The following COL5A1 variants were observed in gnomAD, a reference collection of about 807,000 sequenced individuals.
COL5A1 encodes the protein collagen type V alpha 1 chain.
In COL5A1, 16 loss-of-function variants were observed where a neutral mutation model predicts 263.7. The ratio of observed to expected loss-of-function variants is 0.06; its 90% CI spans 0.04 to 0.09. The LOEUF (loss-of-function observed/expected upper bound fraction) is 0.09, where lower values mean the gene tolerates loss of function less well. COL5A1 is among the 10% of genes least tolerant of loss of function. The probability of loss-of-function intolerance (pLI) is 1.00; values close to 1 mark genes in which losing one functional copy is unlikely to be tolerated. For missense variants in COL5A1, 2,036 were observed against 2,540.5 expected, an observed-to-expected ratio of 0.80 and a Z score of 4.27; for synonymous variants, 1,012 against 1,004.5, an observed-to-expected ratio of 1.01 and a Z score of -0.14.
chr9:134,773,844 C>T (rs1004538447), intron 26 of COL5A1, among the ~76,000 whole-genome samples: 52 of 152,222 alleles, frequency 3.4e-4, no homozygotes, highest in Admixed American at 6.5e-5. Flanking sequence ...ACTTCTGCCC[C>T]GTTCCCTCTC....
intron 36 of COL5A1, 24 bp downstream of exon 36, chr9:134,796,925 G>T (rs755953706): frequency 6.2e-7 from 1 of 1,607,322 alleles, no homozygotes; most frequent in Non-Finnish European, 8.5e-7. Flanking sequence ...TCCTTGCTGG[G>T]CCAGCACTGC....
In COL5A1 at chr9:134,648,687, TG is replaced by T. The variant is rs1831556982; in HGVS notation, c.109+6395del. ...TGCAGCAGGAGGCTGTGAGGTGGTT[TG>T]GGGCCCTCTACTCGCTGGCCTGTGC... On this transcript the variant is annotated intron_variant, in intron 1 of 65. Coordinates refer to ENST00000371817, the MANE Select transcript of COL5A1 (RefSeq NM_000093.5). 2.0e-5 allele frequency among the ~76,000 whole-genome samples: 3 copies of T among 152,318 alleles called. No homozygotes were observed. In the South Asian group the frequency reaches 6.2e-4, roughly 32 times the overall value.
At chr9:134,750,926 C>T (rs755472820) in intron 13 of COL5A1, 44 bp downstream of exon 13, 1 of 1,541,724 alleles carries the variant, frequency 6.5e-7, no homozygotes, top group South Asian at 1.1e-5. Flanking sequence ...GGACAGAGCC[C>T]AGCCCCAGGG....
At chr9:134,699,602 A>G (rs2132568841) in intron 2 of COL5A1, among the ~76,000 whole-genome samples, 1 of 152,216 alleles carries the variant, frequency 6.6e-6, no homozygotes, top group Non-Finnish European at 1.5e-5. Flanking sequence ...GGGTCAACAC[A>G]CAGATGTGTT....
intron 18 of COL5A1, among the ~76,000 whole-genome samples, chr9:134,760,480 CAT>C (rs1173271287): frequency 1.5e-5 from 2 of 131,826 alleles, no homozygotes; most frequent in African/African-American, 5.9e-5. Context: ...TTCATACACA[CAT>C]GCACACACAC....
At chr9:134,797,031 G>A in intron 36 of COL5A1, 130 bp downstream of exon 36, 3 of 1,009,914 alleles carry the variant, frequency 3.0e-6, no homozygotes, top group South Asian at 1.3e-5. Context: ...GGTGGAGGGA[G>A]GCCCGAGGTG....
chr9:134,750,856 G>A lies in COL5A1; in HGVS notation c.1636G>A (p.Ala546Thr). 6.2e-7 allele frequency: 1 copy of A among 1,612,892 alleles called. No homozygotes were observed. The highest frequency in any genetic ancestry group is 8.5e-7 in the Non-Finnish European group (1 of 1,179,978). Reference sequence around the variant, plus strand: ...CATGGTCTCAGCCCAGGAGTCCCAGGCGCAAGCCATTCTCCAGCAGGCCAG... The same window carrying A: ...CATGGTCTCAGCCCAGGAGTCCCAGACGCAAGCCATTCTCCAGCAGGCCAG... ...GPMVSAQESQAQAILQQARLA... is the reference protein window; with the variant it reads ...GPMVSAQESQTQAILQQARLA... The change falls in exon 13 of 66, where the codon GCG becomes ACG. Residue 546 changes from alanine to threonine, a missense_variant. Transcript: ENST00000371817.
chr9:134,829,427 G>C (rs779740730), intron 63 of COL5A1, among the ~76,000 whole-genome samples: 4 of 112,234 alleles, frequency 3.6e-5, no homozygotes, highest in African/African-American at 1.8e-4. Context: ...CGGTCTCCCT[G>C]AGGGCTGGGG....
rs773167288 is a variant in COL5A1 at position 134,817,791 on chromosome 9, C to G, written c.4190C>G (p.Pro1397Arg). The G allele has an allele frequency of 6.2e-7, 1 of 1,612,222 alleles. No homozygotes were observed. The highest frequency in any genetic ancestry group is 1.7e-5 in the Admixed American group (1 of 59,836). ...GPPGKRGPPG[P>R]AGPEGRQGEK... ...TGCTTCTTTCAGGGTCCCCCAGGCC[C>G]CGCAGGCCCCGAAGGCAGACAGGGA... The change falls in exon 54 of 66, where the codon CCC becomes CGC. Residue 1397 changes from proline (P) to arginine (R), a missense_variant. Coordinates refer to ENST00000371817, the MANE Select transcript of COL5A1 (RefSeq NM_000093.5).
chr9:134,796,413 G>A lies in COL5A1; in HGVS notation c.2839G>A (p.Glu947Lys). ...GGDGPAGPPG[E>K]RGPNGPQGPT... ...TGACGGCCCAGCTGGCCCTCCTGGT[G>A]AACGGGTAAGCAGCTGGAGCCTTCG... Residue 947 changes from glutamate (E) to lysine (K), a missense_variant, in exon 35 of 66, where the codon GAA becomes AAA. Glu to Lys is a moderately conservative substitution (Grantham distance 56). This residue lies in a region of COL5A1 where 1,078 missense variants were observed against 1,521.4 expected (regional missense o/e 0.71). Coordinates refer to ENST00000371817, the MANE Select transcript of COL5A1 (RefSeq NM_000093.5). The A allele has an allele frequency of 6.2e-7, 1 of 1,614,148 alleles. No individual in the cohort carries two copies. Among genetic ancestry groups the A allele is most frequent in the Middle Eastern group, 1.6e-4 (1 of 6,062 alleles).
chr9:134,704,367 A>G (rs1433365321), intron 4 of COL5A1, among the ~76,000 whole-genome samples: 1 of 152,242 alleles, frequency 6.6e-6, no homozygotes, highest in East Asian at 1.9e-4. Flanking sequence ...GACAGCAAAC[A>G]TGCCAGAGTT....
chr9:134,744,189 A>G (rs1328984401), intron 11 of COL5A1, among the ~76,000 whole-genome samples: 1 of 152,210 alleles, frequency 6.6e-6, no homozygotes, highest in African/African-American at 2.4e-5. Flanking sequence ...TGGATGGGAC[A>G]CGCCAATCCA....
In COL5A1 at chr9:134,754,996, AGCTACCCTT is replaced by A. The variant is rs1835918248; in HGVS notation, c.1827+672_1827+680del. Among the ~76,000 whole-genome samples the A allele has an allele frequency of 1.3e-5, 2 of 152,260 alleles. No individual in the cohort carries two copies. The highest frequency in any genetic ancestry group is 2.4e-5 in the African/African-American group (1 of 41,556). On this transcript the variant is annotated intron_variant, in intron 16 of 65. Transcript: ENST00000371817. This position sits in a 1 kb window ranked among gnomAD's most constrained non-coding sequence, Gnocchi z 4.3. The stretch of plus-strand genomic sequence containing the variant: ...CTCTTCCCAGTATGTTGTCTACCTA[AGCTACCCTT>A]GACTGCTATAGTCTGAGTCAACAAG...
chr9:134,648,690 G>T (rs1480525382), intron 1 of COL5A1, among the ~76,000 whole-genome samples: 1 of 152,224 alleles, frequency 6.6e-6, no homozygotes, highest in Non-Finnish European at 1.5e-5. Flanking sequence ...GGTGGTTTGG[G>T]GCCCTCTACT....
intron 1 of COL5A1, among the ~76,000 whole-genome samples, chr9:134,679,177 A>C (rs1349767104): frequency 1.3e-5 from 2 of 151,854 alleles, no homozygotes; most frequent in Admixed American, 6.5e-5. Context: ...CTTGTGTGGA[A>C]AGAGCAGTCT....
rs1205167823 is a variant in COL5A1 at position 134,798,460 on chromosome 9, C to T, written c.2951C>T (p.Thr984Ile). 1 of 1,614,064 alleles carries T rather than the reference C, an allele frequency of 6.2e-7. No individual in the cohort carries two copies. ...LPGHPGQRGE[T>I]GFQGKTGPPG... The stretch of plus-strand genomic sequence containing the variant: ...GGACACCCTGGACAGAGAGGCGAGA[C>T]TGTGAGTATCGAGGGTGCTGGGGGA... Residue 984 changes from threonine to isoleucine, a missense_variant and splice_region_variant, in exon 37 of 66, where the codon ACT becomes ATT. Transcript: ENST00000371817.
At position 134,834,996 on chromosome 9, in the gene COL5A1, A is replaced by G. The variant is rs1482037877; in HGVS notation, c.5162A>G (p.Asn1721Ser). ...CTCTCCTATGTGGACGCCGAGGGCA[A>G]CCCTGTGGGTGTGGTACAGATGACC... ...KLLSYVDAEG[N>S]PVGVVQMTFL... is the part of the protein sequence containing the mutation. The change falls in exon 65 of 66, where the codon AAC (asparagine) becomes AGC (serine). Residue 1721 changes from asparagine to serine, a missense_variant. By Grantham distance (46) the Asn-to-Ser change is conservative (BLOSUM62 1). Around this residue, in one of 3 missense-constraint regions of COL5A1, gnomAD observed 358 missense variants for 384.6 expected, o/e 0.93. Transcript: ENST00000371817. The G allele has an allele frequency of 3.1e-6, 5 of 1,613,596 alleles. No homozygotes were observed. Among genetic ancestry groups the G allele is most frequent in the Non-Finnish European group, 4.2e-6 (5 of 1,179,970 alleles).
chr9:134,752,804 G>A (rs541922417), intron 14 of COL5A1, among the ~76,000 whole-genome samples, 159 bp downstream of exon 14: 1 of 152,204 alleles, frequency 6.6e-6, no homozygotes, highest in South Asian at 2.1e-4. Context: ...GGGACCAGGG[G>A]CCTCTCTCGG....
In COL5A1 at chr9:134,647,083, T is replaced by C. The variant is rs1332079504; in HGVS notation, c.109+4787T>C. Among the ~76,000 whole-genome samples the C allele has an allele frequency of 1.3e-5, 2 of 152,090 alleles. No homozygotes were observed. The highest frequency in any genetic ancestry group is 2.9e-5 in the Non-Finnish European group (2 of 68,020). ...CATCGCCCCCATCTTCAGTGGTGGT[T>C]TTGCAGGAGGAAAGAGCAGTGTTCC... On this transcript the variant is annotated intron_variant, in intron 1 of 65. Transcript: ENST00000371817. This position sits in a 1 kb window ranked among gnomAD's most constrained non-coding sequence, Gnocchi z 5.0.
Sources: allele counts gnomAD v4.1 joint callset (sites outside exome capture counted in the v4.1 genomes callset), GRCh38; gene constraint gnomAD v4.1.1; regional missense constraint gnomAD v4.1.1; non-coding constraint Gnocchi (gnomAD v3.1); transcripts MANE v1.5; gene names NCBI Gene and HGNC (gene_info 2026-07-23, HGNC 2026-07-21).